The following ADGRF5 variants were observed in gnomAD, a reference collection of about 807,000 sequenced individuals.
The protein encoded by ADGRF5 is G-protein coupled receptor 116.
ADGRF5 carries 75 observed loss-of-function variants against 132.3 expected under a neutral mutation model. The ratio of observed to expected loss-of-function variants is 0.57; its 90% CI spans 0.47 to 0.69. The LOEUF is 0.69. ADGRF5 is among the 30% of genes least tolerant of loss of function. The probability of loss-of-function intolerance (pLI) is 0.00; values close to 1 mark genes in which losing one functional copy is unlikely to be tolerated. For synonymous variants in ADGRF5, 629 were observed against 597.6 expected (o/e 1.05, Z -0.77); for missense variants, 1,516 against 1,630.6 (o/e 0.93, Z 1.21).
intron 20 of ADGRF5, among the ~76,000 whole-genome samples, chr6:46,855,093 G>A (rs1168316091): frequency 1.3e-5 from 2 of 152,168 alleles, no homozygotes; most frequent in African/African-American, 4.8e-5. Context: ...ATGGGGACAG[G>A]GGTTTCAATT....
chr6:46,926,491 G>T (rs904971058), upstream of ADGRF5, among the ~76,000 whole-genome samples: 2 of 146,212 alleles, frequency 1.4e-5, no homozygotes, highest in Non-Finnish European at 3.0e-5. Context: ...GAGGGGGGGG[G>T]CAGTGCAGAT....
At chr6:46,896,893 T>A (rs1774237966) in intron 3 of ADGRF5, among the ~76,000 whole-genome samples, 1 of 152,120 alleles carries the variant, frequency 6.6e-6, no homozygotes, top group Admixed American at 6.5e-5. Flanking sequence ...ACTATTTACA[T>A]AGCATTTACA....
intron 1 of ADGRF5, among the ~76,000 whole-genome samples, chr6:46,910,839 C>A (rs113562180): frequency 6.6e-6 from 1 of 152,114 alleles, no homozygotes; most frequent in African/African-American, 2.4e-5. Flanking sequence ...TCTCTCTGAG[C>A]CTGTTTTCTT....
chr6:46,886,673 T>C (rs897806343), intron 4 of ADGRF5: 2 of 152,342 alleles, frequency 1.3e-5, no homozygotes, highest in South Asian at 2.1e-4. Flanking sequence ...GTTGGAAGAA[T>C]GAGGCGAGGG....
chr6:46,894,492 C>T (rs1773973925), intron 3 of ADGRF5, among the ~76,000 whole-genome samples: 1 of 152,110 alleles, frequency 6.6e-6, no homozygotes, highest in African/African-American at 2.4e-5. Context: ...AAAGTTAGCC[C>T]CATCTTACCT....
chr6:46,927,911 T>C (rs1196410459), intron 1 of ADGRF5, among the ~76,000 whole-genome samples: 5 of 152,182 alleles, frequency 3.3e-5, no homozygotes, highest in African/African-American at 1.2e-4. Flanking sequence ...CTCCACGTTG[T>C]ACTTCCCCAG....
intron 5 of ADGRF5, 137 bp downstream of exon 5, chr6:46,883,958 T>G (rs1340158622): frequency 1.3e-6 from 1 of 776,944 alleles, no homozygotes; most frequent in African/African-American, 1.7e-5. Context: ...GCCAGGCTGC[T>G]GTCAAAGTCC....
chr6:46,860,114 C>A (rs867838051), intron 16 of ADGRF5, among the ~76,000 whole-genome samples: 7 of 152,166 alleles, frequency 4.6e-5, no homozygotes, highest in Middle Eastern at 3.2e-3. Flanking sequence ...GACTATAGCT[C>A]CTGCTGACTG....
At chr6:46,898,100 A>G (rs1774372896) in intron 3 of ADGRF5, among the ~76,000 whole-genome samples, 1 of 152,228 alleles carries the variant, frequency 6.6e-6, no homozygotes, top group Non-Finnish European at 1.5e-5. Context: ...GCACACCTGG[A>G]AAAACTTTGG....
At chr6:46,861,845 T>A (rs1769777617) in intron 15 of ADGRF5, among the ~76,000 whole-genome samples, 1 of 152,222 alleles carries the variant, frequency 6.6e-6, no homozygotes, top group Non-Finnish European at 1.5e-5. Flanking sequence ...TGGGCCCACA[T>A]CGAGTTCAGA....
intron 1 of ADGRF5, among the ~76,000 whole-genome samples, chr6:46,930,316 A>G (rs1280217316): frequency 6.6e-6 from 1 of 152,330 alleles, no homozygotes; most frequent in African/African-American, 2.4e-5. Flanking sequence ...TCTGTACCTC[A>G]TTCCTAAAAT....
chr6:46,945,092 C>T (rs1778252509), intron 1 of ADGRF5, among the ~76,000 whole-genome samples: 2 of 152,182 alleles, frequency 1.3e-5, no homozygotes, highest in Non-Finnish European at 2.9e-5. Flanking sequence ...TTATGCTATA[C>T]CATGGCAACC....
chr6:46,948,518 G>A (rs1352464491), intron 1 of ADGRF5, among the ~76,000 whole-genome samples: 4 of 148,290 alleles, frequency 2.7e-5, no homozygotes, highest in Non-Finnish European at 6.0e-5. Flanking sequence ...GTGTGTGTAT[G>A]TGTGTGTTTA....
chr6:46,928,748 C>T (rs969972444), intron 1 of ADGRF5, among the ~76,000 whole-genome samples: 1 of 152,116 alleles, frequency 6.6e-6, no homozygotes, highest in East Asian at 1.9e-4. Context: ...AAAATGCTCA[C>T]CATCACTGGC....
In ADGRF5 at chr6:46,856,950, G is replaced by C. The variant is rs375367913; in HGVS notation, c.3775-42C>G. 5.4e-6 allele frequency: 8 copies of C among 1,469,540 alleles called. No homozygotes were observed. The South Asian group carries it at 9.1e-5, about 17-fold the overall frequency. The allele number at this position is 1,469,540 out of a possible 1,614,324, so 91.0% of individuals were successfully genotyped here. On this transcript the variant is annotated intron_variant, in intron 17 of 20. Transcript: ENST00000283296. The stretch of plus-strand genomic sequence containing the variant: ...TGAAAAGAAGTGCATTTTAATTATA[G>C]TCTATTGTCCAGCAAAGGAGGAAGT...
intron 1 of ADGRF5, among the ~76,000 whole-genome samples, chr6:46,941,466 G>GA (rs66918453): frequency 7.1e-3 from 199 of 28,006 alleles, no homozygotes; most frequent in Middle Eastern, 0.014. Flanking sequence ...GAAAAGAAAA[G>GA]AAAGAAAAGA....
intron 12 of ADGRF5, among the ~76,000 whole-genome samples, chr6:46,867,860 T>C (rs971142727): frequency 6.6e-6 from 1 of 152,186 alleles, no homozygotes; most frequent in Non-Finnish European, 1.5e-5. Context: ...GATGAGAATA[T>C]GACTTTTCAA....
chr6:46,935,385 T>C (rs1777768792), intron 1 of ADGRF5, among the ~76,000 whole-genome samples: 1 of 152,182 alleles, frequency 6.6e-6, no homozygotes, highest in Admixed American at 6.5e-5. Flanking sequence ...TTGCCTGCAC[T>C]TGAGGGAAAC....
At chr6:46,914,972 C>G (rs756027979) in intron 1 of ADGRF5, among the ~76,000 whole-genome samples, 2 of 152,022 alleles carry the variant, frequency 1.3e-5, no homozygotes, top group African/African-American at 4.8e-5. Context: ...TCTCCTGCCT[C>G]AGCCTCCCAA....
Sources: allele counts gnomAD v4.1 joint callset (sites outside exome capture counted in the v4.1 genomes callset), GRCh38; gene constraint gnomAD v4.1.1; transcripts MANE v1.5; gene names NCBI Gene and HGNC (gene_info 2026-07-23, HGNC 2026-07-21).